The following NEK11 variants were observed in gnomAD, a reference collection of about 807,000 sequenced individuals.
NEK11 encodes the protein serine/threonine-protein kinase Nek11.
In NEK11, 72 loss-of-function variants were observed where a neutral mutation model predicts 80.7. The observed-to-expected ratio is 0.89, with a 90% CI of 0.74 to 1.08. The LOEUF is 1.08. NEK11 is among the 50% of genes least tolerant of loss of function. The pLI is 0.00. For missense variants in NEK11, 764 were observed against 763.6 expected (o/e 1.00, Z -0.01); for synonymous variants, 251 against 260.7 (o/e 0.96, Z 0.36).
chr3:131,350,035 T>G lies in NEK11; in HGVS notation c.*259T>G, dbSNP rs1362996474. On this transcript the variant is annotated 3_prime_UTR_variant, in exon 18 of 18. Transcript: ENST00000383366. ...TTGGCTCCCTTGAAAAGCATTTCTC[T>G]CATGTGCGCCCTCAGGGCTTCCAGC... The G allele has an allele frequency of 2.4e-6, 1 of 420,960 alleles. No homozygotes were observed. Among genetic ancestry groups the G allele is most frequent in the Non-Finnish European group, 4.3e-6 (1 of 230,962 alleles). The allele number at this position is 420,960 out of a possible 1,614,324, so 26.1% of individuals were successfully genotyped here. A position where few individuals can be genotyped will look rare whatever the true frequency, so the allele number is the denominator to read the frequency against.
chr3:131,150,684 T>TA (rs1433101890), intron 7 of NEK11, among the ~76,000 whole-genome samples: 1 of 152,006 alleles, frequency 6.6e-6, no homozygotes, highest in African/African-American at 2.4e-5. Context: ...TTTGCCTTAT[T>TA]TTTGTCATGA....
chr3:131,116,492 G>A (rs1171299588), intron 5 of NEK11, among the ~76,000 whole-genome samples: 4 of 152,230 alleles, frequency 2.6e-5, no homozygotes, highest in Admixed American at 6.5e-5. Context: ...TATATACCCA[G>A]TAATGGGATG....
intron 14 of NEK11, among the ~76,000 whole-genome samples, chr3:131,203,767 G>GTGTATATA (rs1560949416): frequency 1.8e-5 from 1 of 54,188 alleles, no homozygotes; most frequent in Non-Finnish European, 4.4e-5. Context: ...GTGTGTGTGT[G>GTGTATATA]TATATATATA....
chr3:131,103,423 G>C (rs2078693618), intron 4 of NEK11, among the ~76,000 whole-genome samples: 1 of 152,146 alleles, frequency 6.6e-6, no homozygotes, highest in Non-Finnish European at 1.5e-5. Context: ...TCTTATAGGG[G>C]GTTATATTAG....
At chr3:131,228,852 G>T (rs561410357) in intron 15 of NEK11, among the ~76,000 whole-genome samples, 164 bp downstream of exon 15, 1 of 152,200 alleles carries the variant, frequency 6.6e-6, no homozygotes, top group Non-Finnish European at 1.5e-5. Flanking sequence ...CCAGAGGCAG[G>T]CAGGGCCCTA....
At chr3:131,054,823 G>T (rs2069136590) in intron 3 of NEK11, among the ~76,000 whole-genome samples, 1 of 151,980 alleles carries the variant, frequency 6.6e-6, no homozygotes, top group Admixed American at 6.6e-5. Flanking sequence ...ATATGGAATT[G>T]CTGAAGATGG....
At chr3:131,243,554 A>G in intron 16 of NEK11, 58 bp downstream of exon 16, 2 of 1,410,476 alleles carry the variant, frequency 1.4e-6, no homozygotes, top group Non-Finnish European at 2.0e-6. Flanking sequence ...ATCTTGGAAT[A>G]ACTTGGAAGA....
At chr3:131,285,843 T>G (rs2096463796) in intron 17 of NEK11, among the ~76,000 whole-genome samples, 1 of 152,210 alleles carries the variant, frequency 6.6e-6, no homozygotes, top group Non-Finnish European at 1.5e-5. Context: ...TCCATTTCAG[T>G]AATGATGGGA....
At chr3:131,326,687 G>A (rs1263566882) in intron 17 of NEK11, among the ~76,000 whole-genome samples, 1 of 152,082 alleles carries the variant, frequency 6.6e-6, no homozygotes, top group African/African-American at 2.4e-5. Context: ...CTGTAGAGGG[G>A]TACCCTCCAG....
At chr3:131,114,210 T>G (rs2080636698) in intron 5 of NEK11, among the ~76,000 whole-genome samples, 1 of 152,198 alleles carries the variant, frequency 6.6e-6, no homozygotes, top group Admixed American at 6.5e-5. Flanking sequence ...GAAAATAAAC[T>G]TATTTATCTT....
chr3:131,242,122 T>G (rs1312626691), intron 15 of NEK11, among the ~76,000 whole-genome samples: 1 of 152,146 alleles, frequency 6.6e-6, no homozygotes, highest in East Asian at 1.9e-4. Context: ...AAGCAATGTC[T>G]AATTCATTAG....
chr3:131,141,161 T>C (rs1356712418), intron 7 of NEK11, among the ~76,000 whole-genome samples: 2 of 152,086 alleles, frequency 1.3e-5, no homozygotes, highest in East Asian at 3.9e-4. Context: ...AGGGTGGTAT[T>C]TGCAGAAGGG....
intron 15 of NEK11, among the ~76,000 whole-genome samples, chr3:131,240,733 G>T (rs1263192022): frequency 1.3e-5 from 2 of 152,036 alleles, no homozygotes; most frequent in Non-Finnish European, 2.9e-5. Context: ...AATATTTTCT[G>T]AATGAAATAC....
In NEK11 at chr3:131,163,901, G is replaced by T. The variant is rs116571813; in HGVS notation, c.1082+1374G>T. ...GAAAGACTGATTTATGTGTTGGTAGGTTATCAAATTTCCAAATTTTTCTTA... is the reference window on the plus strand; with the variant it reads ...GAAAGACTGATTTATGTGTTGGTAGTTTATCAAATTTCCAAATTTTTCTTA... On this transcript the variant is annotated intron_variant, in intron 11 of 17. Coordinates refer to ENST00000383366, the MANE Select transcript of NEK11 (RefSeq NM_024800.5). 5.1e-3 allele frequency among the ~76,000 whole-genome samples: 782 copies of T among 152,206 alleles called. 4 individuals are homozygous for T. The highest frequency in any genetic ancestry group is 0.018 in the African/African-American group (731 of 41,544).
chr3:131,078,140 C>T (rs571120916), intron 3 of NEK11, among the ~76,000 whole-genome samples: 5 of 152,226 alleles, frequency 3.3e-5, no homozygotes, highest in Non-Finnish European at 5.9e-5. Flanking sequence ...CTTATGCCTG[C>T]TGTTGGTTGT....
chr3:131,288,382 C>G (rs934140591), intron 17 of NEK11, among the ~76,000 whole-genome samples: 1 of 151,736 alleles, frequency 6.6e-6, no homozygotes, highest in African/African-American at 2.4e-5. Context: ...TCTGCTTTGG[C>G]CACTAGGAAT....
chr3:131,258,663 G>A (rs866914991), intron 16 of NEK11, among the ~76,000 whole-genome samples: 1 of 152,034 alleles, frequency 6.6e-6, no homozygotes, highest in African/African-American at 2.4e-5. Flanking sequence ...GGTTTTTCCT[G>A]GTGTATTCAA....
chr3:131,212,132 C>A (rs985557290), intron 14 of NEK11, among the ~76,000 whole-genome samples: 2 of 152,128 alleles, frequency 1.3e-5, no homozygotes, highest in Admixed American at 6.5e-5. Context: ...ATGATGGTGA[C>A]CTACAGATGC....
At chr3:131,034,862 C>T (rs1040003542) in intron 3 of NEK11, among the ~76,000 whole-genome samples, 1 of 152,190 alleles carries the variant, frequency 6.6e-6, no homozygotes, top group East Asian at 1.9e-4. Flanking sequence ...AGGTTGCACT[C>T]GGAGATGTTG....
Sources: allele counts gnomAD v4.1 joint callset (sites outside exome capture counted in the v4.1 genomes callset), GRCh38; gene constraint gnomAD v4.1.1; transcripts MANE v1.5; gene names NCBI Gene and HGNC (gene_info 2026-07-23, HGNC 2026-07-21).